RMDN2: variants seen among roughly 807,000 people sequenced by gnomAD.
RMDN2 encodes the protein regulator of microtubule dynamics 2.
In RMDN2, 61 loss-of-function variants were observed where a neutral mutation model predicts 52.8. The ratio of observed to expected loss-of-function variants is 1.16; its 90% confidence interval spans 0.94 to 1.43. RMDN2 has a LOEUF of 1.43. Among genes scored for constraint, RMDN2 ranks in the 40% most tolerant of loss-of-function variants. The pLI is 0.00. For missense variants in RMDN2, 592 were observed against 475.3 expected, an observed-to-expected ratio of 1.25 and a Z score of -2.28; for synonymous variants, 180 against 153.1, an observed-to-expected ratio of 1.18 and a Z score of -1.30.
In RMDN2 at chr2:37,985,912, T is replaced by G. The variant is rs74721627; in HGVS notation, c.792-3629T>G. On this transcript the variant is annotated intron_variant, in intron 5 of 10. Coordinates refer to ENST00000354545, the MANE Select transcript of RMDN2 (RefSeq NM_001170791.3). ...TATTAATATTGGTTCATTGTGACAA[T>G]TTTGTATCAATATTGTATATCAATA... Among the ~76,000 whole-genome samples the G allele has an allele frequency of 9.1e-4, 138 of 152,228 alleles. 2 individuals carry two copies. The East Asian group carries it at 0.022, about 25-fold the overall frequency.
intron 10 of RMDN2, among the ~76,000 whole-genome samples, chr2:38,059,629 G>T (rs1280213766): frequency 6.6e-6 from 1 of 152,186 alleles, no homozygotes; most frequent in Non-Finnish European, 1.5e-5. Context: ...GGGAGCTTGT[G>T]GGGGCAGGCT....
chr2:37,972,309 AT>A (rs1198477136), intron 2 of RMDN2, among the ~76,000 whole-genome samples: 1 of 152,198 alleles, frequency 6.6e-6, no homozygotes, highest in African/African-American at 2.4e-5. Context: ...GAACAAAGAT[AT>A]GAAATATGCA....
chr2:38,002,664 A>G (rs1208216640), intron 8 of RMDN2, among the ~76,000 whole-genome samples: 3 of 152,194 alleles, frequency 2.0e-5, no homozygotes, highest in Non-Finnish European at 2.9e-5. Context: ...TTATTTGCCT[A>G]TACTTGGCAA....
intron 10 of RMDN2, among the ~76,000 whole-genome samples, chr2:38,049,181 A>G (rs1181922391): frequency 1.3e-4 from 20 of 152,168 alleles, no homozygotes. Context: ...GTCGCCTAGG[A>G]TGGAGCAAGT....
intron 10 of RMDN2, among the ~76,000 whole-genome samples, chr2:38,047,411 A>G (rs1681338059): frequency 1.3e-5 from 2 of 152,260 alleles, no homozygotes; most frequent in Admixed American, 6.5e-5. Flanking sequence ...GTATATCCAT[A>G]TAATGGAATA....
At chr2:37,926,877 A>G (rs1666324409) in intron 1 of RMDN2, among the ~76,000 whole-genome samples, 1 of 152,212 alleles carries the variant, frequency 6.6e-6, no homozygotes, top group South Asian at 2.1e-4. Context: ...TCGAGGCTAC[A>G]GTGAGCAGTG....
Position 37,952,051 on chromosome 2 carries a change from A to G in RMDN2, c.453-21989A>G. 1.2e-6 allele frequency: 2 copies of G among 1,613,422 alleles called. No homozygotes were observed. Among genetic ancestry groups the G allele is most frequent in the East Asian group, 2.2e-5 (1 of 44,852 alleles). On this transcript the variant is annotated intron_variant, in intron 2 of 10. Coordinates refer to ENST00000354545, the MANE Select transcript of RMDN2 (RefSeq NM_001170791.3). ...CAAAGTGGAACTTTCCCATTCCTCC[A>G]TAAAGCTGGATTTTCTTCATCTTAT...
intron 2 of RMDN2, among the ~76,000 whole-genome samples, chr2:37,964,136 G>C (rs903379359): frequency 6.6e-6 from 1 of 151,772 alleles, no homozygotes; most frequent in Non-Finnish European, 1.5e-5. Flanking sequence ...TCACTTCTCA[G>C]ACGGGGCGCC....
intron 10 of RMDN2, among the ~76,000 whole-genome samples, chr2:38,033,772 G>A (rs1048627920): frequency 6.6e-6 from 1 of 152,132 alleles, no homozygotes; most frequent in African/African-American, 2.4e-5. Flanking sequence ...TCATTTCATG[G>A]GAATCCAAAC....
intron 10 of RMDN2, among the ~76,000 whole-genome samples, chr2:38,063,790 G>A (rs975374153): frequency 2.6e-5 from 4 of 152,156 alleles, no homozygotes; most frequent in African/African-American, 9.7e-5. Flanking sequence ...ACTTTCCCAA[G>A]CAATGTATGA....
chr2:38,021,961 T>G (rs546111473), downstream of RMDN2, among the ~76,000 whole-genome samples: 1 of 152,330 alleles, frequency 6.6e-6, no homozygotes, highest in South Asian at 2.1e-4. Flanking sequence ...ATTTTGTCAA[T>G]TTAATCCTCT....
intron 2 of RMDN2, among the ~76,000 whole-genome samples, chr2:37,962,217 G>A (rs1670334402): frequency 6.6e-6 from 1 of 152,218 alleles, no homozygotes; most frequent in Non-Finnish European, 1.5e-5. Context: ...TAGCTCAAGT[G>A]CTGTGGTGGG....
intron 10 of RMDN2, among the ~76,000 whole-genome samples, chr2:38,059,386 T>G (rs1322371240): frequency 6.6e-6 from 1 of 152,194 alleles, no homozygotes; most frequent in Admixed American, 6.5e-5. Flanking sequence ...AAACCAGTGG[T>G]TGGATATTGT....
In RMDN2 at chr2:38,041,469, C is replaced by G. The variant is rs373886288; in HGVS notation, c.1714-25513C>G. On this transcript the variant is annotated intron_variant, in intron 10 of 10. Coordinates refer to the RMDN2 transcript ENST00000234195. ...GGACGTTTTGTACTAAGCAGGACTT[C>G]CAATATGATGTTGAATAAGACTGGT... Among the ~76,000 whole-genome samples, 3 of 121,042 alleles carry G rather than the reference C, an allele frequency of 2.5e-5. No homozygotes were observed. In the East Asian group the frequency reaches 9.4e-4, roughly 38 times the overall value. 79.4% of individuals were successfully genotyped at this position (121,042 alleles called of 152,430 possible). A position where few individuals can be genotyped will look rare whatever the true frequency, so the allele number is the denominator to read the frequency against.
intron 2 of RMDN2, among the ~76,000 whole-genome samples, chr2:37,969,289 A>G (rs1055809667): frequency 6.6e-6 from 1 of 152,042 alleles, no homozygotes; most frequent in Non-Finnish European, 1.5e-5. Context: ...CATTAAAAGT[A>G]TAAATTAATG....
chr2:37,980,286 A>T (rs1047239832), intron 4 of RMDN2, among the ~76,000 whole-genome samples: 1 of 152,054 alleles, frequency 6.6e-6, no homozygotes, highest in Non-Finnish European at 1.5e-5. Flanking sequence ...ACAAACCTCT[A>T]TCCAAATTAT....
intron 10 of RMDN2, among the ~76,000 whole-genome samples, chr2:38,066,647 G>A (rs1318635075): frequency 6.6e-6 from 1 of 152,144 alleles, no homozygotes; most frequent in Non-Finnish European, 1.5e-5. Context: ...TCTTACTTAT[G>A]TCCAAAGCTG....
At chr2:38,006,011 G>A (rs1360496304) in intron 10 of RMDN2, among the ~76,000 whole-genome samples, 1 of 152,172 alleles carries the variant, frequency 6.6e-6, no homozygotes, top group African/African-American at 2.4e-5. Flanking sequence ...TCAGATGGTT[G>A]TAGATATGCA....
intron 10 of RMDN2, among the ~76,000 whole-genome samples, chr2:38,064,294 A>T (rs1271125355): frequency 3.9e-5 from 6 of 152,158 alleles, no homozygotes; most frequent in Admixed American, 1.3e-4. Flanking sequence ...GTTTGAGACT[A>T]GCCTAACCAA....
Sources: gnomAD v4.1 joint callset for allele counts (sites outside exome capture counted in the v4.1 genomes callset) on GRCh38, gnomAD v4.1.1 for gene constraint, MANE v1.5 for transcripts, NCBI Gene and HGNC (gene_info 2026-07-23, HGNC 2026-07-21) for gene names.